ADAMTSL2: variants seen among roughly 807,000 people sequenced by gnomAD.
ADAMTSL2 encodes the protein ADAMTS like 2.
Under a neutral mutation model 117.0 loss-of-function variants are expected in ADAMTSL2, and 55 were observed. The observed-to-expected ratio is 0.47, with a 90% CI of 0.38 to 0.59. The LOEUF (loss-of-function observed/expected upper bound fraction) is 0.59. ADAMTSL2 is among the 20% of genes least tolerant of loss of function. The probability of loss-of-function intolerance (pLI) is 0.00; values close to 1 mark genes in which losing one functional copy is unlikely to be tolerated. For missense variants in ADAMTSL2, 1,182 were observed against 1,354.5 expected (o/e 0.87, Z 2.00); for synonymous variants, 572 against 566.4 (o/e 1.01, Z -0.14).
intron 12 of ADAMTSL2, among the ~76,000 whole-genome samples, chr9:133,561,580 C>A (rs1830729855): frequency 6.6e-6 from 1 of 152,262 alleles, no homozygotes; most frequent in African/African-American, 2.4e-5. Context: ...GCCAGTGATA[C>A]CATGTTTTGT....
Position 133,568,370 on chromosome 9 carries a change from G to A in ADAMTSL2, c.1972G>A (p.Asp658Asn). 1.2e-6 allele frequency: 2 copies of A among 1,602,506 alleles called. No individual in the cohort carries two copies. Among genetic ancestry groups the A allele is most frequent in the Non-Finnish European group, 1.7e-6 (2 of 1,175,366 alleles). The change falls in exon 14 of 19, where the codon GAC becomes AAC. Residue 658 changes from aspartate to asparagine, a missense_variant. Asp to Asn is a conservative substitution (Grantham distance 23). Coordinates refer to ENST00000651351, the MANE Select transcript of ADAMTSL2 (RefSeq NM_014694.4). Reference protein sequence around the residue: ...RCWKMLSPGFDSSVYSDLCEA... With the variant: ...RCWKMLSPGFNSSVYSDLCEA... ...CTGGAAGATGCTCTCGCCCGGCTTC[G>A]ACAGCTCCGTGTACAGCGACCTGTG...
intron 12 of ADAMTSL2, among the ~76,000 whole-genome samples, chr9:133,565,852 C>CACAA (rs1830959918): frequency 6.6e-6 from 1 of 151,312 alleles, no homozygotes; most frequent in African/African-American, 2.4e-5. Context: ...CACACACACA[C>CACAA]ACACACACAC....
chr9:133,560,690 T>C (rs1830706674), intron 11 of ADAMTSL2, among the ~76,000 whole-genome samples: 1 of 152,206 alleles, frequency 6.6e-6, no homozygotes, highest in Non-Finnish European at 1.5e-5. Context: ...TTTTTAATTT[T>C]GATAATTGGA....
At chr9:133,540,119 G>A (rs572425178) in intron 5 of ADAMTSL2, among the ~76,000 whole-genome samples, 9 of 152,300 alleles carry the variant, frequency 5.9e-5, no homozygotes, top group Non-Finnish European at 7.4e-5. Context: ...GACCTCTGAC[G>A]GCAGTGGTGA....
At chr9:133,549,980 G>A (rs2131126998) in intron 9 of ADAMTSL2, among the ~76,000 whole-genome samples, 1 of 152,344 alleles carries the variant, frequency 6.6e-6, no homozygotes, top group South Asian at 2.1e-4. Flanking sequence ...TCTATGTGCT[G>A]GGCACACAGC....
chr9:133,573,778 CCCCCTGCCCAGG>C, intron 17 of ADAMTSL2, 53 bp from the exon 18 acceptor site: 4 of 1,599,662 alleles, frequency 2.5e-6, no homozygotes, highest in Non-Finnish European at 1.7e-6. Context: ...AGGTTCCCCG[CCCCCTGCCCAGG>C]CCCCTGCCCC....
chr9:133,546,161 T>A (rs1220040763), intron 8 of ADAMTSL2, among the ~76,000 whole-genome samples: 2 of 151,868 alleles, frequency 1.3e-5, no homozygotes, highest in Non-Finnish European at 2.9e-5. Context: ...CTCTTCTCAC[T>A]CTCCATGGCC....
chr9:133,562,500 G>A (rs1454617620), intron 12 of ADAMTSL2, among the ~76,000 whole-genome samples: 1 of 139,124 alleles, frequency 7.2e-6, no homozygotes, highest in Non-Finnish European at 1.6e-5. Flanking sequence ...GGCCAGGCTC[G>A]CACCGCCGTG....
intron 12 of ADAMTSL2, among the ~76,000 whole-genome samples, chr9:133,565,105 A>G (rs1830934817): frequency 6.6e-6 from 1 of 152,070 alleles, no homozygotes; most frequent in African/African-American, 2.4e-5. Context: ...CGTGGTGAGG[A>G]CAGTGGATCC....
In ADAMTSL2 at chr9:133,561,261, G is replaced by A. The variant is rs971630043; in HGVS notation, c.1713G>A (p.Ser571=). ...CGGACATGTACCGGTGGAAGCTCTC[G>A]TCCCACGAGCCCTGCAGTGCCACCT... ...SPADMYRWKL[S]SHEPCSATCT... Residue 571 remains serine, a synonymous_variant, in exon 12 of 19, where the codon TCG becomes TCA. Transcript: ENST00000651351. The A allele has an allele frequency of 3.6e-4, 581 of 1,605,128 alleles. No homozygotes were observed. The highest frequency in any genetic ancestry group is 4.5e-4 in the Non-Finnish European group (530 of 1,176,466).
intron 9 of ADAMTSL2, among the ~76,000 whole-genome samples, chr9:133,551,548 T>C (rs1031494273): frequency 1.3e-5 from 2 of 152,224 alleles, no homozygotes; most frequent in Non-Finnish European, 2.9e-5. Context: ...CCATCTCTAG[T>C]AGGGCCTCGC....
intron 3 of ADAMTSL2, among the ~76,000 whole-genome samples, chr9:133,538,110 G>T (rs1389470275): frequency 1.3e-5 from 2 of 152,248 alleles, no homozygotes; most frequent in Non-Finnish European, 2.9e-5. Context: ...AACCCATGTG[G>T]TTGTTTCAAT....
chr9:133,534,835 C>T lies in ADAMTSL2; in HGVS notation c.-233C>T. 2.0e-6 allele frequency: 3 copies of T among 1,499,028 alleles called. No individual in the cohort carries two copies. The highest frequency in any genetic ancestry group is 2.2e-5 in the Admixed American group (1 of 45,418). 92.9% of individuals were successfully genotyped at this position (1,499,028 alleles called of 1,614,324 possible). On this transcript the variant is annotated 5_prime_UTR_variant, in exon 1 of 19. Transcript: ENST00000651351. Reference sequence around the variant, plus strand: ...AGCCTCTGCACTCACGCCGCCCCCGCACGCACAGCGCACCTGGCGCCGTCT... The same window carrying T: ...AGCCTCTGCACTCACGCCGCCCCCGTACGCACAGCGCACCTGGCGCCGTCT...
At chr9:133,533,363 A>G (rs1326492133), upstream of ADAMTSL2, among the ~76,000 whole-genome samples, 1 of 152,110 alleles carries the variant, frequency 6.6e-6, no homozygotes, top group Non-Finnish European at 1.5e-5. Context: ...AATGAGATGA[A>G]TAAGACTTGC....
At chr9:133,570,653 C>T in intron 17 of ADAMTSL2, 146 bp downstream of exon 17, 1 of 900,420 alleles carries the variant, frequency 1.1e-6, no homozygotes, top group Non-Finnish European at 1.7e-6. Context: ...GGGAAAGCTT[C>T]TCAACTCCAC....
upstream of ADAMTSL2, chr9:133,534,458 C>A: frequency 2.9e-6 from 1 of 345,334 alleles, no homozygotes; most frequent in Non-Finnish European, 5.1e-6. Flanking sequence ...CGTCTGGACA[C>A]CCGACATGTG....
At chr9:133,555,296 G>C (rs1369147066) in intron 10 of ADAMTSL2, among the ~76,000 whole-genome samples, 1 of 137,928 alleles carries the variant, frequency 7.3e-6, no homozygotes, top group Non-Finnish European at 1.6e-5. Flanking sequence ...AGGTTCCGGG[G>C]GGGGCCATGA....
chr9:133,556,838 C>T (rs1006175703), intron 11 of ADAMTSL2, among the ~76,000 whole-genome samples: 6 of 152,214 alleles, frequency 3.9e-5, no homozygotes, highest in Non-Finnish European at 8.8e-5. Flanking sequence ...CGTGTCCCTA[C>T]TGGAGCACAG....
chr9:133,547,008 C>T, intron 8 of ADAMTSL2, 30 bp from the exon 9 acceptor site: 1 of 1,613,478 alleles, frequency 6.2e-7, no homozygotes, highest in African/African-American at 1.3e-5. Flanking sequence ...CCAGTTTGGC[C>T]TTTTGTGACC....
Sources: allele counts gnomAD v4.1 joint callset (sites outside exome capture counted in the v4.1 genomes callset), GRCh38; gene constraint gnomAD v4.1.1; transcripts MANE v1.5; gene names NCBI Gene and HGNC (gene_info 2026-07-23, HGNC 2026-07-21).